LAMTOR1: variants seen among roughly 807,000 people sequenced by gnomAD.
LAMTOR1 encodes late endosomal/lysosomal adaptor, MAPK and MTOR activator 1.
LAMTOR1 carries 8 observed loss-of-function variants against 20.5 expected under a neutral mutation model. That is an observed-to-expected ratio of 0.39 (90% CI 0.23 to 0.70). The LOEUF is 0.70. Among genes scored for constraint, LAMTOR1 ranks in the 30% least tolerant of loss-of-function variants. LAMTOR1 has a pLI of 0.43. For missense variants in LAMTOR1, 135 were observed against 206.2 expected, an observed-to-expected ratio of 0.65 and a Z score of 2.11; for synonymous variants, 77 against 80.9, an observed-to-expected ratio of 0.95 and a Z score of 0.26.
chr11:72,102,195 T>G (rs1407718384), intron 1 of LAMTOR1, among the ~76,000 whole-genome samples: 2 of 152,160 alleles, frequency 1.3e-5, no homozygotes, highest in Non-Finnish European at 2.9e-5. Flanking sequence ...GTGACCATCT[T>G]CCCCATTAGA....
In LAMTOR1 at chr11:72,098,856, T is replaced by C. The variant is rs913019776; in HGVS notation, c.191A>G (p.Asn64Ser). The C allele has an allele frequency of 1.9e-6, 3 of 1,549,278 alleles. No homozygotes were observed. The highest frequency in any genetic ancestry group is 2.6e-6 in the Non-Finnish European group (3 of 1,145,788). ...LSSILAKTAS[N>S]IIDVSAADSQ... ...GTCTGCAGCAGACACATCAATGATG[T>C]TGCTATGGGGAGAGGAGACAGAGAT... Residue 64 changes from asparagine to serine, a missense_variant and splice_region_variant, in exon 3 of 5, where the codon AAC becomes AGC. Asn to Ser is a conservative substitution (Grantham distance 46). Coordinates refer to ENST00000278671, the MANE Select transcript of LAMTOR1 (RefSeq NM_017907.3).
At chr11:72,098,466 T>C in intron 3 of LAMTOR1, 51 bp from the exon 4 acceptor site, 1 of 1,576,504 alleles carries the variant, frequency 6.3e-7, no homozygotes, top group Non-Finnish European at 8.6e-7. Context: ...CAGTCTGCCC[T>C]GCCCAGCCCA....
rs1343470506 is a variant in LAMTOR1, at chr11:72,099,309, T to C, written c.43-53A>G. 10 of 1,506,716 alleles carry C rather than the reference T, an allele frequency of 6.6e-6. 1 individual carries two copies. The highest frequency in any genetic ancestry group is 8.9e-6 in the Non-Finnish European group (10 of 1,126,470). The allele number at this position is 1,506,716 out of a possible 1,614,324, so 93.3% of individuals were successfully genotyped here. A position where few individuals can be genotyped will look rare whatever the true frequency, so the allele number is the denominator to read the frequency against. Reference sequence around the variant, plus strand: ...GCCCCAGGACCCGTAGATCCTGCCTTTCACGGGTGCTACCCTTAGCCCAGC... The same window carrying C: ...GCCCCAGGACCCGTAGATCCTGCCTCTCACGGGTGCTACCCTTAGCCCAGC... On this transcript the variant is annotated intron_variant, in intron 1 of 4. Transcript: ENST00000278671.
chr11:72,099,876 C>A (rs1393495485), intron 1 of LAMTOR1, among the ~76,000 whole-genome samples: 1 of 152,216 alleles, frequency 6.6e-6, no homozygotes, highest in Non-Finnish European at 1.5e-5. Flanking sequence ...AGGCAGGTCC[C>A]TTCGAAGGTG....
In LAMTOR1 at chr11:72,099,244, G is replaced by A. The variant is rs1470988828; in HGVS notation, c.55C>T (p.Arg19Trp). The A allele has an allele frequency of 2.5e-6, 4 of 1,582,336 alleles. No homozygotes were observed. Among genetic ancestry groups the A allele is most frequent in the Non-Finnish European group, 3.4e-6 (4 of 1,162,330 alleles). ...CTGCTAGGGTCCAGCAGCAGCTTCC[G>A]CTCCTCTCGGTCCTAGAAGTGGTCA... Reference protein sequence around the residue: ...NEDSDQDREERKLLLDPSSPP... With the variant: ...NEDSDQDREEWKLLLDPSSPP... Residue 19 changes from arginine (R) to tryptophan (W), a missense_variant, in exon 2 of 5, where the codon CGG becomes TGG. Physicochemically the swap from Arg to Trp is moderately radical, Grantham distance 101 (BLOSUM62 -3). Transcript: ENST00000278671.
intron 1 of LAMTOR1, among the ~76,000 whole-genome samples, chr11:72,102,948 G>A (rs915065770): frequency 5.9e-5 from 9 of 152,376 alleles, no homozygotes; most frequent in Admixed American, 1.3e-4. Context: ...GAAGTGGTGG[G>A]AGCGAGCCGG....
chr11:72,101,749 G>T (rs1029698922), intron 1 of LAMTOR1, among the ~76,000 whole-genome samples: 1 of 152,110 alleles, frequency 6.6e-6, no homozygotes, highest in Non-Finnish European at 1.5e-5. Context: ...ACCTTCTCTG[G>T]GTGTTAGGAA....
intron 2 of LAMTOR1, 82 bp from the exon 3 acceptor site, chr11:72,098,940 G>C: frequency 7.3e-7 from 1 of 1,368,734 alleles, no homozygotes; most frequent in Non-Finnish European, 1.0e-6. Flanking sequence ...ACCAACTCCA[G>C]GGCTATCTGA....
Position 72,097,640 on chromosome 11 carries a change from CA to C in LAMTOR1, c.*181del. 2 of 1,428,714 alleles carry C rather than the reference CA, an allele frequency of 1.4e-6. No individual in the cohort carries two copies. The highest frequency in any genetic ancestry group is 1.8e-6 in the Non-Finnish European group (2 of 1,091,514). The allele number at this position is 1,428,714 out of a possible 1,614,324, so 88.5% of individuals were successfully genotyped here. On this transcript the variant is annotated 3_prime_UTR_variant, in exon 5 of 5. Coordinates refer to ENST00000278671, the MANE Select transcript of LAMTOR1 (RefSeq NM_017907.3). ...TGGCCAGAGCTTCAAAGGCCAGTCC[CA>C]AAAGGTTCTACCCTCACTTGCTCAG...
rs886641284 is a variant in LAMTOR1, at chr11:72,103,103, G to A, written c.42+80C>T. The A allele has an allele frequency of 4.0e-6, 6 of 1,516,376 alleles. No homozygotes were observed. In the African/African-American group the frequency reaches 4.1e-5, roughly 10 times the overall value. 93.9% of individuals were successfully genotyped at this position (1,516,376 alleles called of 1,614,324 possible). On this transcript the variant is annotated intron_variant, in intron 1 of 4. Transcript: ENST00000278671. ...AGTGAGCCCTGCAGTCCGGCTGCCC[G>A]TCCTCCGCAGGTTTCTTTCTGGGCC...
In LAMTOR1 at chr11:72,097,842, C is replaced by A. The variant is rs528765232; in HGVS notation, c.466G>T (p.Val156Leu). Reference sequence around the variant, plus strand: ...TCTCTTCATGGGATCCCAAACTGTACAACCAGCTCCTCTTTTGCGTCCACA... The same window carrying A: ...TCTCTTCATGGGATCCCAAACTGTAAAACCAGCTCCTCTTTTGCGTCCACA... ...IRVDAKEELV[V>L]QFGIP The change falls in exon 5 of 5, where the codon GTA (valine) becomes TTA (leucine). Residue 156 changes from valine (V) to leucine (L), a missense_variant. By Grantham distance (32) the Val-to-Leu change is conservative. Transcript: ENST00000278671. The A allele has an allele frequency of 3.7e-6, 6 of 1,613,744 alleles. No individual in the cohort carries two copies. The highest frequency in any genetic ancestry group is 5.1e-6 in the Non-Finnish European group (6 of 1,179,734).
chr11:72,098,421 CAAGA>C lies in LAMTOR1; in HGVS notation c.267-10_267-7del. The C allele has an allele frequency of 1.2e-6, 2 of 1,609,662 alleles. No individual in the cohort carries two copies. Among genetic ancestry groups the C allele is most frequent in the Non-Finnish European group, 1.7e-6 (2 of 1,178,006 alleles). ...TCAGCACAGCCAAGCGGGTGCTGAC[CAAGA>C]GAGAGGGGGTGGGGGTAGGCAGTTA... On this transcript the variant is annotated splice_polypyrimidine_tract_variant and splice_region_variant and intron_variant, in intron 3 of 4. Coordinates refer to ENST00000278671, the MANE Select transcript of LAMTOR1 (RefSeq NM_017907.3).
rs1945520445 is a variant in LAMTOR1 at position 72,103,252 on chromosome 11, C to T, written c.-28G>A. 4 of 1,551,162 alleles carry T rather than the reference C, an allele frequency of 2.6e-6. No individual in the cohort carries two copies. The highest frequency in any genetic ancestry group is 1.9e-5 in the Admixed American group (1 of 51,298). ...CCGGGGTCGGGCCGGGCGCTCAGGC[C>T]GCGCCGAGGAGGGACGGCGTCCGTG... On this transcript the variant is annotated 5_prime_UTR_variant, in exon 1 of 5. Coordinates refer to ENST00000278671, the MANE Select transcript of LAMTOR1 (RefSeq NM_017907.3).
chr11:72,098,725 T>C, intron 3 of LAMTOR1, 56 bp downstream of exon 3: 1 of 1,282,182 alleles, frequency 7.8e-7, no homozygotes, highest in Non-Finnish European at 1.1e-6. Flanking sequence ...GCTGGAACAG[T>C]GATGGAGGGT....
At chr11:72,102,506 G>C (rs567728079) in intron 1 of LAMTOR1, among the ~76,000 whole-genome samples, 1 of 152,308 alleles carries the variant, frequency 6.6e-6, no homozygotes, top group African/African-American at 2.4e-5. Context: ...TCAGGCCCCA[G>C]GCAGACTGCA....
rs556179180 is a variant in LAMTOR1, at chr11:72,099,444, T to C, written c.43-188A>G. Among the ~76,000 whole-genome samples the C allele has an allele frequency of 3.3e-5, 5 of 152,240 alleles. No homozygotes were observed. In the South Asian group the frequency reaches 1.0e-3, roughly 32 times the overall value. On this transcript the variant is annotated intron_variant, in intron 1 of 4. Transcript: ENST00000278671. ...GCCTATCCTTGGGAGCTCAACTGAG[T>C]TGGTGTTCTAGGATAAATGAGAGTG...
rs977543274 is a variant in LAMTOR1 at position 72,097,811 on chromosome 11, G to A, written c.*11C>T. The A allele has an allele frequency of 2.5e-6, 4 of 1,613,982 alleles. No homozygotes were observed. The highest frequency in any genetic ancestry group is 3.3e-5 in the Admixed American group (2 of 60,006). The stretch of plus-strand genomic sequence containing the variant: ...GAAGAGAGGAGAAGAGCTGTCCAAG[G>A]ACCCCTCTCTTCATGGGATCCCAAA... On this transcript the variant is annotated 3_prime_UTR_variant, in exon 5 of 5. Coordinates refer to ENST00000278671, the MANE Select transcript of LAMTOR1 (RefSeq NM_017907.3).
At chr11:72,101,264 G>A (rs1315372502) in intron 1 of LAMTOR1, among the ~76,000 whole-genome samples, 1 of 149,096 alleles carries the variant, frequency 6.7e-6, no homozygotes, top group Non-Finnish European at 1.5e-5. Flanking sequence ...TGCGAGTGGA[G>A]CATGGGTTAG....
At chr11:72,098,983 C>A in intron 2 of LAMTOR1, 125 bp from the exon 3 acceptor site, 1 of 1,411,472 alleles carries the variant, frequency 7.1e-7, no homozygotes, top group Non-Finnish European at 9.7e-7. Flanking sequence ...TGGAGCAGGG[C>A]TGGACATGGA....
Sources: allele counts gnomAD v4.1 joint callset (sites outside exome capture counted in the v4.1 genomes callset), GRCh38; gene constraint gnomAD v4.1.1; transcripts MANE v1.5; gene names NCBI Gene and HGNC (gene_info 2026-07-23, HGNC 2026-07-21).